AFAP1L1: variants seen among roughly 807,000 people sequenced by gnomAD.
AFAP1L1 encodes the protein actin filament associated protein 1 like 1.
In AFAP1L1, 77 loss-of-function variants were observed where a neutral mutation model predicts 99.8. The observed-to-expected ratio is 0.77, with a 90% CI of 0.64 to 0.93. The LOEUF (loss-of-function observed/expected upper bound fraction) is 0.93. AFAP1L1 is among the 40% of genes least tolerant of loss of function. The pLI is 0.00. For missense variants in AFAP1L1, 893 were observed against 996.8 expected (o/e 0.90, Z 1.40); for synonymous variants, 373 against 395.3 (o/e 0.94, Z 0.67).
intron 1 of AFAP1L1, among the ~76,000 whole-genome samples, chr5:149,272,893 G>T (rs145298242): frequency 5.1e-4 from 78 of 152,158 alleles, no homozygotes; most frequent in African/African-American, 1.7e-3. Flanking sequence ...AACAGAGACG[G>T]GGTTTCACCA....
In AFAP1L1 at chr5:149,317,651, C is replaced by A. The variant is rs1301031460; in HGVS notation, c.1268-78C>A. The A allele has an allele frequency of 9.3e-6, 14 of 1,499,398 alleles. 1 individual carries two copies. In the South Asian group the frequency reaches 1.6e-4, roughly 17 times the overall value. The allele number at this position is 1,499,398 out of a possible 1,614,324, so 92.9% of individuals were successfully genotyped here. A position where few individuals can be genotyped will look rare whatever the true frequency, so the allele number is the denominator to read the frequency against. ...CAGGACCCCGAGGCCTTCTTTCCAGCAGACACATGGAGCCGCCTTGCGTCC... is the reference window on the plus strand; with the variant it reads ...CAGGACCCCGAGGCCTTCTTTCCAGAAGACACATGGAGCCGCCTTGCGTCC... On this transcript the variant is annotated intron_variant, in intron 11 of 18. Transcript: ENST00000296721.
At chr5:149,290,518 GT>G (rs1755817320) in intron 1 of AFAP1L1, among the ~76,000 whole-genome samples, 1 of 86,100 alleles carries the variant, frequency 1.2e-5, no homozygotes, top group East Asian at 3.2e-4. Context: ...GGTGGTTTAG[GT>G]TGCTCAATAT....
At chr5:149,280,984 C>A (rs1037341521) in intron 1 of AFAP1L1, among the ~76,000 whole-genome samples, 1 of 152,206 alleles carries the variant, frequency 6.6e-6, no homozygotes, top group Non-Finnish European at 1.5e-5. Flanking sequence ...TGAGAACATA[C>A]CTTTTTTTAA....
intron 4 of AFAP1L1, 108 bp downstream of exon 4, chr5:149,301,338 G>A: frequency 1.0e-6 from 1 of 978,192 alleles, no homozygotes. Flanking sequence ...TCTGGACCCT[G>A]TTGTCTCTCT....
Position 149,320,275 on chromosome 5 carries a change from C to T in AFAP1L1, c.1626-116C>T. The stretch of plus-strand genomic sequence containing the variant: ...TGCCTGCCATCTTGCTTTTACCAAT[C>T]TTCTGATCTGCCTTAAGAGTTTCTG... On this transcript the variant is annotated intron_variant, in intron 13 of 18. Transcript: ENST00000296721. The surrounding 1 kb of genome is among the most constrained non-coding windows in gnomAD (Gnocchi z 4.0). 9.9e-7 allele frequency: 1 copy of T among 1,007,764 alleles called. No individual in the cohort carries two copies. The allele number at this position is 1,007,764 out of a possible 1,614,324, so 62.4% of individuals were successfully genotyped here. A position where few individuals can be genotyped will look rare whatever the true frequency, so the allele number is the denominator to read the frequency against.
At chr5:149,301,393 A>G (rs752321168) in intron 4 of AFAP1L1, among the ~76,000 whole-genome samples, 163 bp downstream of exon 4, 9 of 152,068 alleles carry the variant, frequency 5.9e-5, no homozygotes, top group South Asian at 2.1e-4. Context: ...GAACATTTCA[A>G]TGGCCCGTGA....
rs1341212169 is a variant in AFAP1L1, at chr5:149,329,669, C to T, written c.1814C>T (p.Ala605Val). Residue 605 changes from alanine to valine, a missense_variant, in exon 16 of 19, where the codon GCC (alanine) becomes GTC (valine). Physicochemically the swap from Ala to Val is moderately conservative, Grantham distance 64. Transcript: ENST00000296721. ...TCCCTTCCCCATATCTCTGCAGGTGCCAATCAATACAAGTATGGCAAGAAC... is the reference window on the plus strand; with the variant it reads ...TCCCTTCCCCATATCTCTGCAGGTGTCAATCAATACAAGTATGGCAAGAAC... ...QVKVKRHASS[A>V]NQYKYGKNRA... 6.2e-7 allele frequency: 1 copy of T among 1,612,382 alleles called. No homozygotes were observed. The highest frequency in any genetic ancestry group is 8.5e-7 in the Non-Finnish European group (1 of 1,179,390).
Position 149,341,551 on chromosome 5 carries a change from T to C in AFAP1L1, c.*1521T>C, listed in dbSNP as rs1335951783. 1 of 152,216 alleles carries C rather than the reference T, an allele frequency of 6.6e-6. No homozygotes were observed. The highest frequency in any genetic ancestry group is 1.5e-5 in the Non-Finnish European group (1 of 68,032). 9.4% of individuals were successfully genotyped at this position (152,216 alleles called of 1,614,324 possible). On this transcript the variant is annotated 3_prime_UTR_variant, in exon 19 of 19. Coordinates refer to ENST00000296721, the MANE Select transcript of AFAP1L1 (RefSeq NM_152406.4). The stretch of plus-strand genomic sequence containing the variant: ...GAAGATTTAATAAGATAATATATAG[T>C]AGGCATCTTGCATAGTGTCTGAGAA...
chr5:149,325,821 G>A (rs1302766496), intron 15 of AFAP1L1, among the ~76,000 whole-genome samples: 2 of 152,192 alleles, frequency 1.3e-5, no homozygotes, highest in Non-Finnish European at 2.9e-5. Context: ...GAAAATGGAA[G>A]GGCAAAGAGG....
chr5:149,307,492 C>T lies in AFAP1L1; in HGVS notation c.626C>T (p.Pro209Leu). The change falls in exon 7 of 19, where the codon CCC becomes CTC. Residue 209 changes from proline (P) to leucine (L), a missense_variant. Physicochemically the swap from Pro to Leu is moderately conservative, Grantham distance 98. Coordinates refer to ENST00000296721, the MANE Select transcript of AFAP1L1 (RefSeq NM_152406.4). ...AGCCCGCAGCCCCGACACCAGTGGC[C>T]CTCAGAGGAGGCCTCCATGCACCTG... ...GKSPQPRHQW[P>L]SEEASMHLVR... 1.9e-6 allele frequency: 3 copies of T among 1,614,106 alleles called. No homozygotes were observed. The highest frequency in any genetic ancestry group is 1.1e-5 in the South Asian group (1 of 91,078).
chr5:149,306,403 C>T lies in AFAP1L1; in HGVS notation c.534C>T (p.Ser178=). Residue 178 remains serine (S), a splice_region_variant and synonymous_variant, in exon 6 of 19, where the codon TCC becomes TCT. Transcript: ENST00000296721. ...GGGTGAACGGCGAGCTTAAGAGCTC[C>T]TGTAAGTACCAGGTGGGCGTCCAGA... ...ATRVNGELKS[S]YNDSDAMSSS... 6.2e-7 allele frequency: 1 copy of T among 1,608,864 alleles called. No individual in the cohort carries two copies. The highest frequency in any genetic ancestry group is 8.5e-7 in the Non-Finnish European group (1 of 1,177,316).
Position 149,341,965 on chromosome 5 carries a change from T to G in AFAP1L1, c.*1935T>G, listed in dbSNP as rs555603864. On this transcript the variant is annotated 3_prime_UTR_variant, in exon 19 of 19. Transcript: ENST00000296721. ...GCAGTTATTTTGGGGTTAAGTGTCTTTTCTCACCAACAGATGAACTCTCAG... is the reference window on the plus strand; with the variant it reads ...GCAGTTATTTTGGGGTTAAGTGTCTGTTCTCACCAACAGATGAACTCTCAG... 6.6e-6 allele frequency among the ~76,000 whole-genome samples: 1 copy of G among 152,276 alleles called. No homozygotes were observed. Among genetic ancestry groups the G allele is most frequent in the African/African-American group, 2.4e-5 (1 of 41,548 alleles).
At chr5:149,281,799 A>G (rs1259718001) in intron 1 of AFAP1L1, among the ~76,000 whole-genome samples, 2 of 152,218 alleles carry the variant, frequency 1.3e-5, no homozygotes, top group Non-Finnish European at 2.9e-5. Context: ...TTGCTAGTTA[A>G]GATGGGCTGA....
chr5:149,301,306 C>T, intron 4 of AFAP1L1, 76 bp downstream of exon 4: 1 of 1,409,374 alleles, frequency 7.1e-7, no homozygotes, highest in Non-Finnish European at 9.9e-7. Context: ...CTCCCCTTCC[C>T]ACTGGGTGCT....
intron 13 of AFAP1L1, 56 bp downstream of exon 13, chr5:149,319,783 T>C: frequency 6.3e-7 from 1 of 1,591,062 alleles, no homozygotes; most frequent in Non-Finnish European, 8.5e-7. Context: ...TCTCCATCCC[T>C]CTCAGAGGCT....
chr5:149,324,128 G>T (rs1266544663), intron 15 of AFAP1L1, among the ~76,000 whole-genome samples: 2 of 152,206 alleles, frequency 1.3e-5, no homozygotes, highest in African/African-American at 2.4e-5. Context: ...TTCCAACAAG[G>T]TTGTTTTTTA....
rs537853363 is a variant in AFAP1L1 at position 149,286,209 on chromosome 5, T to C, written c.17-13300T>C. On this transcript the variant is annotated intron_variant, in intron 1 of 18. Transcript: ENST00000296721. ...ATCAGGGACTTCTCTAAGCACTTTA[T>C]GTAACACCTCACTGGATCCTCACAA... is the stretch of plus-strand genomic sequence containing the variant. 3.3e-5 allele frequency among the ~76,000 whole-genome samples: 5 copies of C among 152,288 alleles called. No individual in the cohort carries two copies. The South Asian group carries it at 8.3e-4, about 25-fold the overall frequency.
intron 1 of AFAP1L1, among the ~76,000 whole-genome samples, chr5:149,296,417 C>T (rs941804396): frequency 6.6e-6 from 1 of 152,180 alleles, no homozygotes; most frequent in Admixed American, 6.5e-5. Context: ...CCAGTGCACC[C>T]CTGAGCCATA....
At chr5:149,332,226 A>G (rs1186767462) in intron 16 of AFAP1L1, among the ~76,000 whole-genome samples, 2 of 152,152 alleles carry the variant, frequency 1.3e-5, no homozygotes, top group South Asian at 2.1e-4. Context: ...GCAAAACCCC[A>G]TCTCTACTAA....
Sources: gnomAD v4.1 joint callset for allele counts (sites outside exome capture counted in the v4.1 genomes callset) on GRCh38, gnomAD v4.1.1 for gene constraint, Gnocchi (gnomAD v3.1) non-coding constraint, MANE v1.5 for transcripts, NCBI Gene and HGNC (gene_info 2026-07-23, HGNC 2026-07-21) for gene names.